The following RBMS1 variants were observed in gnomAD, a reference collection of about 807,000 sequenced individuals.
RBMS1 encodes the protein RNA-binding motif, single-stranded-interacting protein 1.
RBMS1 carries 17 observed loss-of-function variants against 62.3 expected under a neutral mutation model. The observed-to-expected ratio is 0.27, with a 90% CI of 0.19 to 0.41. The LOEUF (loss-of-function observed/expected upper bound fraction) is 0.41. RBMS1 is among the 10% of genes least tolerant of loss of function. The pLI, the probability that RBMS1 is intolerant of heterozygous loss-of-function variation, is 1.00. For synonymous variants in RBMS1, 172 were observed against 170.0 expected, an observed-to-expected ratio of 1.01 and a Z score of -0.09; for missense variants, 334 against 504.5, an observed-to-expected ratio of 0.66 and a Z score of 3.24.
chr2:160,439,609 G>A (rs1446866862), intron 1 of RBMS1, among the ~76,000 whole-genome samples: 1 of 150,508 alleles, frequency 6.6e-6, no homozygotes, highest in African/African-American at 2.4e-5. Context: ...CATCCCAGAC[G>A]ATGGGCGGCC....
intron 2 of RBMS1, among the ~76,000 whole-genome samples, chr2:160,355,455 A>G (rs757680733): frequency 2.6e-5 from 4 of 152,124 alleles, no homozygotes; most frequent in Non-Finnish European, 5.9e-5. Context: ...CCTGATCCCT[A>G]TATTTGTTAA....
chr2:160,394,089 A>G (rs760070431), intron 1 of RBMS1, among the ~76,000 whole-genome samples: 35 of 152,370 alleles, frequency 2.3e-4, no homozygotes, highest in Admixed American at 4.6e-4. Context: ...ACAGTTGGTG[A>G]GGGAGACCGA....
intron 5 of RBMS1, among the ~76,000 whole-genome samples, chr2:160,301,535 T>A (rs763349240): frequency 6.6e-6 from 1 of 152,208 alleles, no homozygotes; most frequent in Non-Finnish European, 1.5e-5. Flanking sequence ...TCTCTTTGGA[T>A]ACAGAAATGA....
At chr2:160,423,000 T>G (rs2105272256) in intron 1 of RBMS1, among the ~76,000 whole-genome samples, 1 of 152,276 alleles carries the variant, frequency 6.6e-6, no homozygotes, top group Middle Eastern at 3.4e-3. Context: ...TACATGAAAT[T>G]CTCTCAGTTA....
At chr2:160,336,626 A>G (rs1213251649) in intron 2 of RBMS1, among the ~76,000 whole-genome samples, 1 of 152,212 alleles carries the variant, frequency 6.6e-6, no homozygotes, top group Non-Finnish European at 1.5e-5. Context: ...TAATATTTTC[A>G]ATACAGTATC....
At chr2:160,340,060 G>C (rs1307913369) in intron 2 of RBMS1, among the ~76,000 whole-genome samples, 1 of 152,012 alleles carries the variant, frequency 6.6e-6, no homozygotes, top group Non-Finnish European at 1.5e-5. Flanking sequence ...ACTGTTGAGA[G>C]GGCTTCTTCA....
intron 2 of RBMS1, among the ~76,000 whole-genome samples, chr2:160,359,246 G>A (rs1307032772): frequency 1.3e-5 from 2 of 152,164 alleles, no homozygotes; most frequent in Non-Finnish European, 2.9e-5. Context: ...CTAAGACTCA[G>A]AGGCGTTGCT....
chr2:160,375,326 A>G (rs1259740372), intron 1 of RBMS1, among the ~76,000 whole-genome samples: 1 of 152,242 alleles, frequency 6.6e-6, no homozygotes, highest in Non-Finnish European at 1.5e-5. Flanking sequence ...CCCTTAGGCC[A>G]GCATGGATTC....
At chr2:160,472,303 A>G (rs1313227544) in intron 1 of RBMS1, among the ~76,000 whole-genome samples, 2 of 152,166 alleles carry the variant, frequency 1.3e-5, no homozygotes, top group African/African-American at 4.8e-5. Context: ...ACCTACATTA[A>G]AAATATATAT....
chr2:160,435,292 C>G (rs538913817), intron 1 of RBMS1, among the ~76,000 whole-genome samples: 6 of 152,192 alleles, frequency 3.9e-5, no homozygotes, highest in African/African-American at 1.4e-4. Flanking sequence ...TTTAATCATA[C>G]AGTTATTATG....
chr2:160,426,288 AGAAAAGAAAGAAGGAAGGAAG>A (rs1682600731), intron 1 of RBMS1, among the ~76,000 whole-genome samples: 1 of 115,224 alleles, frequency 8.7e-6, no homozygotes, highest in Non-Finnish European at 1.8e-5. Context: ...AAAGAAAGAA[AGAAAAGAAAGAAGGAAGGAAG>A]GAAGGAAGGA....
intron 2 of RBMS1, among the ~76,000 whole-genome samples, chr2:160,352,162 G>C (rs932678118): frequency 1.3e-5 from 2 of 152,246 alleles, no homozygotes; most frequent in Admixed American, 6.5e-5. Context: ...CAGGTCCTGG[G>C]CTTAAGAGAA....
intron 1 of RBMS1, among the ~76,000 whole-genome samples, chr2:160,391,939 C>T (rs1247085707): frequency 6.6e-6 from 1 of 150,800 alleles, no homozygotes; most frequent in Non-Finnish European, 1.5e-5. Flanking sequence ...CAGCCTGGGG[C>T]GCAGAGGGAG....
intron 4 of RBMS1, among the ~76,000 whole-genome samples, chr2:160,308,352 C>A (rs1689665624): frequency 6.6e-6 from 1 of 151,992 alleles, no homozygotes; most frequent in African/African-American, 2.4e-5. Flanking sequence ...GCCGATATCA[C>A]CCCACTGCAC....
intron 1 of RBMS1, among the ~76,000 whole-genome samples, chr2:160,390,816 A>C (rs1694827379): frequency 6.6e-6 from 1 of 152,004 alleles, no homozygotes; most frequent in Admixed American, 6.5e-5. Flanking sequence ...GGACATTGCC[A>C]TAGCCATTAA....
intron 1 of RBMS1, among the ~76,000 whole-genome samples, chr2:160,486,568 C>A (rs1685609850): frequency 6.6e-6 from 1 of 152,134 alleles, no homozygotes; most frequent in Non-Finnish European, 1.5e-5. Flanking sequence ...GTTCAATGGG[C>A]AGCCTGAGGA....
chr2:160,470,887 A>C (rs1684888227), intron 1 of RBMS1, among the ~76,000 whole-genome samples: 1 of 152,222 alleles, frequency 6.6e-6, no homozygotes, highest in East Asian at 1.9e-4. Context: ...TTCAGTTCCA[A>C]GAATGGTCTC....
At chr2:160,420,774 C>A (rs1696392438) in intron 1 of RBMS1, among the ~76,000 whole-genome samples, 2 of 152,082 alleles carry the variant, frequency 1.3e-5, no homozygotes, top group South Asian at 4.1e-4. Context: ...AAGAATGAAC[C>A]AGAACATGGT....
At chr2:160,368,952 A>G (rs1332217179) in intron 1 of RBMS1, among the ~76,000 whole-genome samples, 1 of 152,038 alleles carries the variant, frequency 6.6e-6, no homozygotes, top group Non-Finnish European at 1.5e-5. Flanking sequence ...ATTAATTTAG[A>G]TATGTTACCA....
Sources: gnomAD v4.1 joint callset for allele counts (sites outside exome capture counted in the v4.1 genomes callset) on GRCh38, gnomAD v4.1.1 for gene constraint, MANE v1.5 for transcripts, NCBI Gene and HGNC (gene_info 2026-07-23, HGNC 2026-07-21) for gene names.